RPGRIP1L: variants seen among roughly 807,000 people sequenced by gnomAD.
RPGRIP1L encodes protein fantom.
RPGRIP1L carries 131 observed loss-of-function variants against 160.4 expected under a neutral mutation model. That is an observed-to-expected ratio of 0.82 (90% CI 0.71 to 0.94). The LOEUF (loss-of-function observed/expected upper bound fraction) is 0.94. RPGRIP1L is among the 40% of genes least tolerant of loss of function. The probability of loss-of-function intolerance (pLI) is 0.00; values close to 1 mark genes in which losing one functional copy is unlikely to be tolerated. For missense variants in RPGRIP1L, 1,522 were observed against 1,535.8 expected (o/e 0.99, Z 0.15); for synonymous variants, 510 against 515.8 (o/e 0.99, Z 0.15).
rs557651193 is a variant in RPGRIP1L, at chr16:53,693,588, G to A, written c.231-1224C>T. The stretch of plus-strand genomic sequence containing the variant: ...CTTTCCCTTGAGGCACATCCATTAA[G>A]CATGCTTTATAAAGGATACAGGATA... On this transcript the variant is annotated intron_variant, in intron 3 of 26. Coordinates refer to ENST00000647211, the MANE Select transcript of RPGRIP1L (RefSeq NM_015272.5). 4 of 152,280 alleles carry A rather than the reference G, an allele frequency of 2.6e-5. No homozygotes were observed. In the South Asian group the frequency reaches 8.3e-4, roughly 32 times the overall value. The allele number at this position is 152,280 out of a possible 1,614,324, so 9.4% of individuals were successfully genotyped here.
chr16:53,645,806 AT>A lies in RPGRIP1L; in HGVS notation c.2501del (p.Asn834MetfsTer15). ...DHDTAIIPSS[N>X]DPQFDDHMYF... ...ACATATGATCATCAAACTGTGGATC[AT>A]TGCTACTGGGAATGATAGCTGTATC... On this transcript the variant is annotated frameshift_variant, in exon 17 of 27. Transcript: ENST00000647211. LOFTEE classifies it high-confidence loss of function. 1 of 1,614,214 alleles carries A rather than the reference AT, an allele frequency of 6.2e-7. No homozygotes were observed. Among genetic ancestry groups the A allele is most frequent in the Non-Finnish European group, 8.5e-7 (1 of 1,180,030 alleles).
chr16:53,682,970 G>A (rs956528099), intron 6 of RPGRIP1L, among the ~76,000 whole-genome samples: 1 of 151,930 alleles, frequency 6.6e-6, no homozygotes, highest in Admixed American at 6.6e-5. Context: ...TAGACATATA[G>A]GATTTCTCAT....
chr16:53,606,970 C>A (rs980607803), intron 25 of RPGRIP1L, among the ~76,000 whole-genome samples: 4 of 152,056 alleles, frequency 2.6e-5, no homozygotes, highest in Non-Finnish European at 5.9e-5. Context: ...AAAGTTAACG[C>A]CTACTCACAA....
At chr16:53,686,360 C>T (rs756061394) in intron 6 of RPGRIP1L, 73 bp downstream of exon 6, 10 of 1,461,284 alleles carry the variant, frequency 6.8e-6, no homozygotes, top group Non-Finnish European at 9.5e-6. Context: ...TAAACTTATC[C>T]TTTTATGGCA....
chr16:53,618,115 G>A (rs1309997105), intron 24 of RPGRIP1L, among the ~76,000 whole-genome samples: 1 of 152,056 alleles, frequency 6.6e-6, no homozygotes, highest in African/African-American at 2.4e-5. Context: ...GTGTCTATTG[G>A]GTCTGTGCTG....
At chr16:53,603,443 C>T (rs1963490362) in intron 26 of RPGRIP1L, among the ~76,000 whole-genome samples, 1 of 152,180 alleles carries the variant, frequency 6.6e-6, no homozygotes, top group African/African-American at 2.4e-5. Flanking sequence ...AACCACCCAT[C>T]TTAGCCTCCT....
chr16:53,625,296 G>A (rs77453304), intron 22 of RPGRIP1L, among the ~76,000 whole-genome samples: 1 of 150,938 alleles, frequency 6.6e-6, no homozygotes, highest in African/African-American at 2.4e-5. Flanking sequence ...TCTGCCAGCC[G>A]CCCATCGTCT....
Position 53,648,989 on chromosome 16 carries a change from A to C in RPGRIP1L, c.2279T>G (p.Phe760Cys), listed in dbSNP as rs1966772625. The C allele has an allele frequency of 6.2e-7, 1 of 1,614,096 alleles. No individual in the cohort carries two copies. The highest frequency in any genetic ancestry group is 2.2e-5 in the East Asian group (1 of 44,860). Residue 760 changes from phenylalanine (F) to cysteine (C), a missense_variant, in exon 16 of 27, where the codon TTT (phenylalanine) becomes TGT (cysteine). Transcript: ENST00000647211. ...CGACTGCATATGCTCTGGCCCCTTA[A>C]AATTTGATGTTATATACCCCAAAGC... The part of the protein sequence containing the change: ...AKALGYITSN[F>C]KGPEHMQSLS...
At chr16:53,616,746 A>G (rs1195538657) in intron 24 of RPGRIP1L, among the ~76,000 whole-genome samples, 1 of 152,016 alleles carries the variant, frequency 6.6e-6, no homozygotes, top group Non-Finnish European at 1.5e-5. Flanking sequence ...AGACAATAAA[A>G]TACCCTGCAG....
intron 23 of RPGRIP1L, 150 bp from the exon 24 acceptor site, chr16:53,619,358 C>T: frequency 1.5e-6 from 1 of 689,538 alleles, no homozygotes; most frequent in Non-Finnish European, 2.5e-6. Context: ...GTATGTTACA[C>T]ATGATAGATT....
chr16:53,657,007 C>T (rs1361012073), intron 13 of RPGRIP1L, among the ~76,000 whole-genome samples: 2 of 151,944 alleles, frequency 1.3e-5, no homozygotes, highest in South Asian at 2.1e-4. Context: ...TTTGGGAGGC[C>T]GAGGTGGGTG....
At chr16:53,602,679 C>G (rs955751931) in intron 26 of RPGRIP1L, among the ~76,000 whole-genome samples, 1 of 151,488 alleles carries the variant, frequency 6.6e-6, no homozygotes, top group Non-Finnish European at 1.5e-5. Flanking sequence ...GAGGCTGAGG[C>G]AGGAGAATCG....
At chr16:53,679,730 A>C (rs563305325) in intron 6 of RPGRIP1L, among the ~76,000 whole-genome samples, 1 of 152,352 alleles carries the variant, frequency 6.6e-6, no homozygotes, top group East Asian at 1.9e-4. Flanking sequence ...AATTAGCAGA[A>C]GGAGGGATTG....
intron 4 of RPGRIP1L, 135 bp downstream of exon 4, chr16:53,691,931 C>T (rs1447025735): frequency 1.2e-6 from 1 of 820,372 alleles, no homozygotes; most frequent in East Asian, 2.6e-5. Flanking sequence ...ATTATTTTAT[C>T]AAAGTAAAAA....
At chr16:53,625,508 C>T (rs1021417725) in intron 22 of RPGRIP1L, among the ~76,000 whole-genome samples, 5 of 145,646 alleles carry the variant, frequency 3.4e-5, no homozygotes, top group African/African-American at 7.6e-5. Context: ...GCGGCCGCCC[C>T]GTCTAGGGGG....
chr16:53,690,254 T>C (rs1251792212), intron 4 of RPGRIP1L, among the ~76,000 whole-genome samples: 2 of 152,176 alleles, frequency 1.3e-5, no homozygotes, highest in African/African-American at 4.8e-5. Context: ...TGGAGTGCAA[T>C]GGTGCAATCT....
intron 3 of RPGRIP1L, 70 bp downstream of exon 3, chr16:53,696,080 AG>A: frequency 6.8e-7 from 1 of 1,460,244 alleles, no homozygotes; most frequent in Non-Finnish European, 9.5e-7. Context: ...TATTCAATTA[AG>A]TTTATAAAAT....
chr16:53,672,319 AC>A (rs1196369003), intron 8 of RPGRIP1L, among the ~76,000 whole-genome samples: 1 of 151,240 alleles, frequency 6.6e-6, no homozygotes, highest in Non-Finnish European at 1.5e-5. Context: ...CTAGTATGAG[AC>A]AGTAAAAGAT....
intron 15 of RPGRIP1L, among the ~76,000 whole-genome samples, chr16:53,651,428 T>C (rs1237947311): frequency 6.6e-6 from 1 of 152,142 alleles, no homozygotes; most frequent in African/African-American, 2.4e-5. Flanking sequence ...GCACTCAGGG[T>C]GATTTTTCTA....
Sources: allele counts gnomAD v4.1 joint callset (sites outside exome capture counted in the v4.1 genomes callset), GRCh38; gene constraint gnomAD v4.1.1; transcripts MANE v1.5; gene names NCBI Gene and HGNC (gene_info 2026-07-23, HGNC 2026-07-21).